Variants in TAFA5 observed in about 807,000 individuals in gnomAD.
TAFA5 encodes the protein TAFA chemokine like family member 5, also known as chemokine-like protein TAFA-5.
In TAFA5, 6 loss-of-function variants were observed where a neutral mutation model predicts 15.3. The observed-to-expected ratio is 0.39, with a 90% CI of 0.21 to 0.77. The LOEUF (loss-of-function observed/expected upper bound fraction) is 0.77, where lower values mean the gene tolerates loss of function less well. Among genes scored for constraint, TAFA5 ranks in the 30% least tolerant of loss-of-function variants. TAFA5 has a pLI of 0.41. For synonymous variants in TAFA5, 103 were observed against 80.7 expected, an observed-to-expected ratio of 1.28 and a Z score of -1.48; for missense variants, 161 against 193.1, an observed-to-expected ratio of 0.83 and a Z score of 0.98.
At chr22:48,568,670 G>A (rs979187687) in intron 1 of TAFA5, among the ~76,000 whole-genome samples, 1 of 152,196 alleles carries the variant, frequency 6.6e-6, no homozygotes, top group Non-Finnish European at 1.5e-5. Context: ...GTGAGGACTC[G>A]GGGCACAGGG....
intron 2 of TAFA5, among the ~76,000 whole-genome samples, chr22:48,682,655 C>T (rs1028828603): frequency 3.9e-5 from 6 of 152,194 alleles, no homozygotes; most frequent in African/African-American, 1.2e-4. Flanking sequence ...GCATATTACC[C>T]AGAAGCACAG....
rs190341620 is a variant in TAFA5 at position 48,532,887 on chromosome 22, A to G, written c.112+43183A>G. On this transcript the variant is annotated intron_variant, in intron 1 of 3. Transcript: ENST00000402357. ...ACACAGGACACACACTGTCTTTGCA[A>G]CAGGGAGATCATATCTTCTCCATGT... 1.4e-3 allele frequency among the ~76,000 whole-genome samples: 206 copies of G among 152,336 alleles called. 1 individual carries two copies. The highest frequency in any genetic ancestry group is 4.8e-3 in the African/African-American group (201 of 41,576).
At chr22:48,563,161 C>T (rs940737273) in intron 1 of TAFA5, among the ~76,000 whole-genome samples, 2 of 152,206 alleles carry the variant, frequency 1.3e-5, no homozygotes, top group African/African-American at 4.8e-5. Flanking sequence ...CTTTGCGTGG[C>T]CCCCAAGAGC....
intron 2 of TAFA5, among the ~76,000 whole-genome samples, chr22:48,670,453 C>A (rs1927766388): frequency 6.6e-6 from 1 of 152,232 alleles, no homozygotes; most frequent in African/African-American, 2.4e-5. Flanking sequence ...CCATGCCAGC[C>A]TTTTAGAGGC....
At chr22:48,659,555 C>T (rs1039187889) in intron 2 of TAFA5, among the ~76,000 whole-genome samples, 1 of 152,218 alleles carries the variant, frequency 6.6e-6, no homozygotes, top group Non-Finnish European at 1.5e-5. Context: ...GGAGCCCTTC[C>T]GGGAGGAGGC....
intron 2 of TAFA5, among the ~76,000 whole-genome samples, chr22:48,696,566 G>T (rs1324404174): frequency 1.3e-5 from 2 of 152,216 alleles, no homozygotes; most frequent in African/African-American, 4.8e-5. Context: ...AGCCACCTGG[G>T]CTCCCATTGG....
intron 1 of TAFA5, among the ~76,000 whole-genome samples, chr22:48,617,686 C>G (rs1338644475): frequency 6.6e-6 from 1 of 152,212 alleles, no homozygotes; most frequent in Non-Finnish European, 1.5e-5. Flanking sequence ...CATAAAGCTG[C>G]CCCATGCCTG....
At chr22:48,590,756 A>G (rs1042894962) in intron 1 of TAFA5, among the ~76,000 whole-genome samples, 1 of 152,082 alleles carries the variant, frequency 6.6e-6, no homozygotes, top group African/African-American at 2.4e-5. Context: ...GCCATTTCCT[A>G]TTCCAGTTGG....
intron 2 of TAFA5, among the ~76,000 whole-genome samples, chr22:48,693,707 C>T (rs1928613227): frequency 6.6e-6 from 1 of 152,190 alleles, no homozygotes; most frequent in Admixed American, 6.5e-5. Flanking sequence ...CTCATTCCTA[C>T]TCTCTCTCAG....
At chr22:48,718,100 G>A (rs1326307758) in intron 3 of TAFA5, among the ~76,000 whole-genome samples, 1 of 152,204 alleles carries the variant, frequency 6.6e-6, no homozygotes, top group Non-Finnish European at 1.5e-5. Flanking sequence ...CAGGCCACGG[G>A]CTGAGCAGAA....
intron 2 of TAFA5, among the ~76,000 whole-genome samples, chr22:48,700,790 A>T (rs1928880873): frequency 6.6e-6 from 1 of 152,176 alleles, no homozygotes; most frequent in South Asian, 2.1e-4. Context: ...CCACTTCAGC[A>T]GTTCAGATGT....
chr22:48,506,183 C>T (rs1029580473), intron 1 of TAFA5, among the ~76,000 whole-genome samples: 2 of 152,182 alleles, frequency 1.3e-5, no homozygotes, highest in Non-Finnish European at 2.9e-5. Context: ...CCTGCAGCCC[C>T]GCACTTGTTC....
intron 1 of TAFA5, among the ~76,000 whole-genome samples, chr22:48,506,076 C>T (rs933757591): frequency 2.0e-5 from 3 of 152,126 alleles, no homozygotes; most frequent in Non-Finnish European, 4.4e-5. Flanking sequence ...CTGAGGTCGC[C>T]CTTCCCTGCA....
chr22:48,689,659 G>C (rs1255828096), intron 2 of TAFA5, among the ~76,000 whole-genome samples: 1 of 29,588 alleles, frequency 3.4e-5, no homozygotes, highest in Non-Finnish European at 9.4e-5. Context: ...AGCCCCTCGG[G>C]CGGACAGACT....
chr22:48,572,042 C>T (rs1923610816), intron 1 of TAFA5, among the ~76,000 whole-genome samples: 1 of 152,020 alleles, frequency 6.6e-6, no homozygotes, highest in Admixed American at 6.6e-5. Context: ...CTTATTGATA[C>T]CATATTATTT....
intron 1 of TAFA5, among the ~76,000 whole-genome samples, chr22:48,517,599 G>A (rs1261843042): frequency 1.3e-5 from 2 of 152,152 alleles, no homozygotes; most frequent in Non-Finnish European, 1.5e-5. Flanking sequence ...TCCCGCGTAC[G>A]GGCATCCGGG....
At chr22:48,677,950 C>A (rs1345990950) in intron 2 of TAFA5, among the ~76,000 whole-genome samples, 1 of 152,068 alleles carries the variant, frequency 6.6e-6, no homozygotes, top group Non-Finnish European at 1.5e-5. Context: ...CCTTCCAGTC[C>A]CCCAGGCCTC....
At chr22:48,538,203 T>C (rs745389938) in intron 1 of TAFA5, among the ~76,000 whole-genome samples, 27 of 150,528 alleles carry the variant, frequency 1.8e-4, no homozygotes, top group Non-Finnish European at 3.7e-4. Flanking sequence ...ATTGACTACC[T>C]GGCGCTCTAC....
At chr22:48,551,769 C>T (rs773189353) in intron 1 of TAFA5, among the ~76,000 whole-genome samples, 2 of 152,148 alleles carry the variant, frequency 1.3e-5, no homozygotes, top group East Asian at 1.9e-4. Flanking sequence ...TGCCTTCTCT[C>T]GCCTCCCCAA....
Sources: allele counts gnomAD v4.1 joint callset (sites outside exome capture counted in the v4.1 genomes callset), GRCh38; gene constraint gnomAD v4.1.1; transcripts MANE v1.5; gene names NCBI Gene and HGNC (gene_info 2026-07-23, HGNC 2026-07-21).